SEZ6L: variants seen among roughly 807,000 people sequenced by gnomAD.
The protein encoded by SEZ6L is seizure related 6 homolog like, also known as seizure 6-like protein.
SEZ6L carries 37 observed loss-of-function variants against 106.2 expected under a neutral mutation model. The observed-to-expected ratio is 0.35, with a 90% CI of 0.27 to 0.46. SEZ6L has a LOEUF of 0.46. Among genes scored for constraint, SEZ6L ranks in the 20% least tolerant of loss-of-function variants. The pLI is 1.00. For synonymous variants in SEZ6L, 541 were observed against 570.4 expected (o/e 0.95, Z 0.73); for missense variants, 1,172 against 1,332.8 (o/e 0.88, Z 1.88).
At chr22:26,302,322 C>G (rs960043758) in intron 5 of SEZ6L, among the ~76,000 whole-genome samples, 2 of 152,178 alleles carry the variant, frequency 1.3e-5, no homozygotes, top group African/African-American at 4.8e-5. Context: ...CACATTACAC[C>G]TGGAGAAGCA....
intron 12 of SEZ6L, among the ~76,000 whole-genome samples, chr22:26,362,095 C>T (rs539382044): frequency 6.6e-6 from 1 of 152,288 alleles, no homozygotes; most frequent in East Asian, 1.9e-4. Context: ...TACAGTCCAT[C>T]CCCAAGGCAC....
chr22:26,312,038 G>T, intron 8 of SEZ6L, 76 bp downstream of exon 8: 1 of 1,402,590 alleles, frequency 7.1e-7, no homozygotes, highest in Non-Finnish European at 9.9e-7. Flanking sequence ...CAAGGCCCCA[G>T]CTTAGAGGCC....
At chr22:26,296,320 G>A (rs915750601) in intron 3 of SEZ6L, among the ~76,000 whole-genome samples, 1 of 152,072 alleles carries the variant, frequency 6.6e-6, no homozygotes, top group African/African-American at 2.4e-5. Context: ...TAGAAATGAG[G>A]CCCCCACCCC....
chr22:26,377,878 C>A, intron 16 of SEZ6L, 103 bp downstream of exon 16: 1 of 877,532 alleles, frequency 1.1e-6, no homozygotes, highest in Non-Finnish European at 1.9e-6. Flanking sequence ...ACAAGAGGCA[C>A]AGCCAGTGGT....
chr22:26,348,638 AAGAAAGAAAAAG>A (rs1286908673), intron 11 of SEZ6L, among the ~76,000 whole-genome samples: 21 of 31,474 alleles, frequency 6.7e-4, no homozygotes, highest in East Asian at 4.2e-3. Context: ...GAAAGAAAGA[AAGAAAGAAAAAG>A]AAAGAAAGAA....
chr22:26,353,237 T>C (rs1018483671), intron 12 of SEZ6L, among the ~76,000 whole-genome samples: 15 of 152,148 alleles, frequency 9.9e-5, no homozygotes, highest in Non-Finnish European at 2.1e-4. Flanking sequence ...CTGCCCCCAT[T>C]GTACAGATAA....
chr22:26,169,713 C>G lies in SEZ6L; in HGVS notation c.44C>G (p.Ser15Trp), dbSNP rs527371769. 1.8e-5 allele frequency: 23 copies of G among 1,301,472 alleles called. No individual in the cohort carries two copies. The East Asian group carries it at 6.5e-4, about 37-fold the overall frequency. 80.6% of individuals were successfully genotyped at this position (1,301,472 alleles called of 1,614,324 possible). ...RPPAAGLRGI[S>W]LFLALLLGSP... ...CCCGCCGCGGGACTCCGCGGGATCT[C>G]GCTGTTCCTCGCTCTGCTCCTGGGG... Residue 15 changes from serine to tryptophan, a missense_variant, in exon 1 of 17, where the codon TCG becomes TGG. Ser to Trp is a radical substitution (Grantham distance 177). Coordinates refer to ENST00000248933, the MANE Select transcript of SEZ6L (RefSeq NM_021115.5).
intron 1 of SEZ6L, among the ~76,000 whole-genome samples, chr22:26,171,813 G>A (rs558644486): frequency 1.3e-5 from 2 of 152,278 alleles, no homozygotes; most frequent in Admixed American, 1.3e-4. Flanking sequence ...TGGCCAATGA[G>A]CATTGCCGAG....
rs184880468 is a variant in SEZ6L, at chr22:26,343,800, T to C, written c.2212+3168T>C. Among the ~76,000 whole-genome samples the C allele has an allele frequency of 4.6e-5, 7 of 152,342 alleles. No individual in the cohort carries two copies. The East Asian group carries it at 1.3e-3, about 29-fold the overall frequency. On this transcript the variant is annotated intron_variant, in intron 10 of 16. Transcript: ENST00000248933. ...AAAAAGAGAGAACAGTTCCTGATTG[T>C]TATTCCTGTTAAAGAAACACACAGT...
At chr22:26,244,388 G>A (rs56074388) in intron 1 of SEZ6L, 18,877 of 152,298 alleles carry the variant, frequency 0.12, 1,501 homozygotes, top group Admixed American at 0.22. Flanking sequence ...CTAGCCACTG[G>A]GGAGAGGGAG....
At chr22:26,361,279 C>T (rs773361129) in intron 12 of SEZ6L, among the ~76,000 whole-genome samples, 2 of 149,840 alleles carry the variant, frequency 1.3e-5, no homozygotes, top group Non-Finnish European at 3.0e-5. Context: ...GGATGGATCA[C>T]TTGAGGTCAG....
chr22:26,346,687 T>C (rs1411640029), intron 10 of SEZ6L, among the ~76,000 whole-genome samples: 2 of 152,214 alleles, frequency 1.3e-5, no homozygotes, highest in African/African-American at 2.4e-5. Flanking sequence ...GGCAAGTCAA[T>C]GCCAACTGTT....
At chr22:26,224,835 C>A (rs1019637109) in intron 1 of SEZ6L, among the ~76,000 whole-genome samples, 1 of 152,114 alleles carries the variant, frequency 6.6e-6, no homozygotes, top group Non-Finnish European at 1.5e-5. Context: ...GCTATTGCCA[C>A]GATAATGCTG....
chr22:26,285,286 T>A (rs1235123601), intron 1 of SEZ6L, among the ~76,000 whole-genome samples: 1 of 152,268 alleles, frequency 6.6e-6, no homozygotes, highest in Non-Finnish European at 1.5e-5. Context: ...AATGAAGTGA[T>A]GATCAAATGT....
chr22:26,351,079 T>C lies in SEZ6L; in HGVS notation c.2435T>C (p.Val812Ala), dbSNP rs1327744517. 1 of 1,614,038 alleles carries C rather than the reference T, an allele frequency of 6.2e-7. No individual in the cohort carries two copies. Among genetic ancestry groups the C allele is most frequent in the East Asian group, 2.2e-5 (1 of 44,872 alleles). ...ATGTACTGCACCGACCCCGGAGAGG[T>C]GGATCACTCGACCCGCTTAATTTCG... ...KIMYCTDPGE[V>A]DHSTRLISDP... The change falls in exon 12 of 17, where the codon GTG (valine) becomes GCG (alanine). Residue 812 changes from valine (V) to alanine (A), a missense_variant. Physicochemically the swap from Val to Ala is moderately conservative, Grantham distance 64. Coordinates refer to ENST00000248933, the MANE Select transcript of SEZ6L (RefSeq NM_021115.5).
chr22:26,348,271 G>A (rs535548046), intron 11 of SEZ6L, among the ~76,000 whole-genome samples: 15 of 151,994 alleles, frequency 9.9e-5, no homozygotes, highest in African/African-American at 3.6e-4. Context: ...TGAGGTGGGA[G>A]GATCACTTGA....
chr22:26,251,262 G>T (rs1164505208), intron 1 of SEZ6L, among the ~76,000 whole-genome samples: 1 of 151,890 alleles, frequency 6.6e-6, no homozygotes, highest in Non-Finnish European at 1.5e-5. Context: ...CATTCATTAT[G>T]ATGTAAGCTG....
At chr22:26,362,616 G>T (rs150317906) in intron 12 of SEZ6L, among the ~76,000 whole-genome samples, 1 of 152,152 alleles carries the variant, frequency 6.6e-6, no homozygotes, top group East Asian at 1.9e-4. Flanking sequence ...CCTCCTCACC[G>T]CATTGCTGGA....
intron 10 of SEZ6L, among the ~76,000 whole-genome samples, chr22:26,343,059 A>G (rs763039725): frequency 1.2e-4 from 19 of 152,238 alleles, no homozygotes; most frequent in Non-Finnish European, 2.4e-4. Context: ...AAATATTTTC[A>G]GAGTGTTATT....
Sources: allele counts gnomAD v4.1 joint callset (sites outside exome capture counted in the v4.1 genomes callset), GRCh38; gene constraint gnomAD v4.1.1; transcripts MANE v1.5; gene names NCBI Gene and HGNC (gene_info 2026-07-23, HGNC 2026-07-21).